The following ZNF883 variants were observed in gnomAD, a reference collection of about 807,000 sequenced individuals.
The protein encoded by ZNF883 is zinc finger protein 883.
rs375594110 is a variant in ZNF883, at chr9:113,004,068, TAAG to T, written n.166-1998_166-1996del. Among the ~76,000 whole-genome samples the T allele has an allele frequency of 8.7e-3, 1,327 of 152,298 alleles. 12 individuals are homozygous for T. Among genetic ancestry groups the T allele is most frequent in the African/African-American group, 0.018 (744 of 41,560 alleles). ...TAATCCAGTATGGCTGGTGCCCTTT[TAAG>T]AAGACGGTCACGGGAAGACCCACAG... On this transcript the variant is annotated intron_variant and non_coding_transcript_variant, in intron 2 of 4. Transcript: ENST00000638622.
chr9:112,995,469 C>T (rs1285084194), downstream of ZNF883, among the ~76,000 whole-genome samples: 1 of 151,700 alleles, frequency 6.6e-6, no homozygotes, highest in African/African-American at 2.4e-5. Flanking sequence ...CTTTCCCTCT[C>T]TCTCCCTTCC....
chr9:112,997,452 A>T (rs759608486), exon 1 of ZNF883: 1 of 1,614,110 alleles, frequency 6.2e-7, no homozygotes, highest in South Asian at 1.1e-5. Context: ...GTTTTTCCAC[A>T]TTCTTTACAA....
chr9:113,005,391 TACAA>T lies in ZNF883; in HGVS notation n.166-3322_166-3319del, dbSNP rs1256245505. On this transcript the variant is annotated intron_variant and non_coding_transcript_variant, in intron 2 of 4. Coordinates refer to the ZNF883 transcript ENST00000638622. Reference sequence around the variant, plus strand: ...ATGAATAGGAAATTCACAAAAGAAATACAAACGATCAATATACAAAAAGATTTTC... The same window carrying T: ...ATGAATAGGAAATTCACAAAAGAAATACGATCAATATACAAAAAGATTTTC... 3.3e-5 allele frequency among the ~76,000 whole-genome samples: 5 copies of T among 152,020 alleles called. No individual in the cohort carries two copies. The South Asian group carries it at 8.3e-4, about 25-fold the overall frequency.
At chr9:112,995,413 T>G (rs1403618924), downstream of ZNF883, among the ~76,000 whole-genome samples, 1 of 152,096 alleles carries the variant, frequency 6.6e-6, no homozygotes, top group Non-Finnish European at 1.5e-5. Context: ...TATCATCCAT[T>G]AATGTCCATA....
At chr9:112,990,324 G>T (rs1270941548) in intron 1 of ZNF883, among the ~76,000 whole-genome samples, 1 of 152,174 alleles carries the variant, frequency 6.6e-6, no homozygotes, top group African/African-American at 2.4e-5. Context: ...TTAACATGAA[G>T]GGATGTTGAA....
exon 1 of ZNF883, chr9:112,998,096 T>C (rs761514256): frequency 6.2e-7 from 1 of 1,613,974 alleles, no homozygotes. Flanking sequence ...TTGAACAAGA[T>C]TACTGTTCCG....
exon 1 of ZNF883, chr9:112,998,173 G>T: frequency 6.2e-7 from 1 of 1,613,708 alleles, no homozygotes; most frequent in Non-Finnish European, 8.5e-7. Context: ...TCTGATGCTG[G>T]GTCAGGGATG....
At chr9:112,997,727 T>C (rs1190503346) in exon 1 of ZNF883, 49 of 1,613,784 alleles carry the variant, frequency 3.0e-5, no homozygotes, top group Non-Finnish European at 4.1e-5. Context: ...GTAGGATTTT[T>C]CCTCAGAATG....
chr9:112,997,473 T>A, exon 1 of ZNF883: 2 of 1,614,162 alleles, frequency 1.2e-6, no homozygotes, highest in Non-Finnish European at 1.7e-6. Context: ...ACATAGGGCT[T>A]CTCTCCAGTA....
At chr9:112,995,582 C>G (rs182396352), downstream of ZNF883, among the ~76,000 whole-genome samples, 624 of 151,762 alleles carry the variant, frequency 4.1e-3, 7 homozygotes, top group African/African-American at 0.014. Context: ...TCTTTCTTCT[C>G]TCTCTGGAGA....
chr9:112,997,295 T>C (rs750536450), exon 1 of ZNF883: 1 of 1,614,134 alleles, frequency 6.2e-7, no homozygotes, highest in Admixed American at 1.7e-5. Flanking sequence ...TTCATTACAC[T>C]GGTAGGGTTT....
At chr9:112,997,681 A>T in exon 1 of ZNF883, 1 of 1,612,406 alleles carries the variant, frequency 6.2e-7, no homozygotes, top group Non-Finnish European at 8.5e-7. Flanking sequence ...TTAGTGATGT[A>T]CTGTGGCAAA....
intron 2 of ZNF883, among the ~76,000 whole-genome samples, chr9:113,008,340 A>G (rs148810995): frequency 2.7e-4 from 41 of 152,348 alleles, no homozygotes; most frequent in African/African-American, 9.6e-4. Context: ...GTCCTTTTTT[A>G]ACATTCTAAG....
rs1433869489 is a variant in ZNF883 at position 113,006,550 on chromosome 9, T to TA, written n.166-4478dup. On this transcript the variant is annotated intron_variant and non_coding_transcript_variant, in intron 2 of 4. Coordinates refer to the ZNF883 transcript ENST00000638622. ...CAAGACCCCACTTGGCCTCCCGGGC[T>TA]AAGCCTCAGTTTTGGAGTTCACCTT... 6.6e-5 allele frequency among the ~76,000 whole-genome samples: 10 copies of TA among 152,334 alleles called. No homozygotes were observed. The East Asian group carries it at 1.9e-3, about 29-fold the overall frequency.
intron 1 of ZNF883, among the ~76,000 whole-genome samples, chr9:112,991,995 C>T (rs966660835): frequency 3.9e-5 from 6 of 152,194 alleles, no homozygotes; most frequent in Non-Finnish European, 7.3e-5. Context: ...AGATGAGTCT[C>T]TTGAATACAA....
chr9:113,006,063 A>G (rs943383165), intron 2 of ZNF883, among the ~76,000 whole-genome samples: 1 of 150,638 alleles, frequency 6.6e-6, no homozygotes, highest in African/African-American at 2.5e-5. Context: ...TAAAGAAACC[A>G]GCCTATTTCT....
chr9:113,010,723 C>A (rs1828526269), intron 2 of ZNF883, among the ~76,000 whole-genome samples: 1 of 152,146 alleles, frequency 6.6e-6, no homozygotes, highest in African/African-American at 2.4e-5. Flanking sequence ...CACGGTGACT[C>A]ACACCTGTAA....
At chr9:112,994,108 A>G (rs1828326881), downstream of ZNF883, among the ~76,000 whole-genome samples, 1 of 151,924 alleles carries the variant, frequency 6.6e-6, no homozygotes, top group African/African-American at 2.4e-5. Context: ...CCTTGTGGCT[A>G]CACACCAAGG....
downstream of ZNF883, among the ~76,000 whole-genome samples, chr9:112,994,745 C>CT (rs938566372): frequency 6.6e-6 from 1 of 151,460 alleles, no homozygotes; most frequent in Admixed American, 6.6e-5. Flanking sequence ...ATTTCTCCTA[C>CT]TTTTTTTTAA....
Sources: gnomAD v4.1 joint callset for allele counts (sites outside exome capture counted in the v4.1 genomes callset) on GRCh38, gnomAD v4.1.1 for gene constraint, MANE v1.5 for transcripts, NCBI Gene and HGNC (gene_info 2026-07-23, HGNC 2026-07-21) for gene names.